Variants in NBPF4 observed in about 807,000 individuals in gnomAD.
The protein encoded by NBPF4 is NBPF member 4, also known as NBPF family member NBPF4.
A neutral mutation model predicts 21.1 loss-of-function variants in NBPF4; 11 were observed. That is an observed-to-expected ratio of 0.52 (90% confidence interval 0.33 to 0.86). NBPF4 has a LOEUF of 0.86. Ranked by LOEUF, NBPF4 falls within the 40% of genes least tolerant of loss-of-function variation. The pLI is 0.03. For synonymous variants in NBPF4, 47 were observed against 106.4 expected (o/e 0.44, Z 3.43); for missense variants, 88 against 265.3 (o/e 0.33, Z 4.64).
At position 108,223,654 on chromosome 1, in the gene NBPF4, C is replaced by T. The variant is rs1649383993; in HGVS notation, c.*51G>A. The stretch of plus-strand genomic sequence containing the variant: ...TGTGTTTGGACTTAAACTTGCTTTG[C>T]TGTTTTAGTTGTTTTTATCAAGTGG... On this transcript the variant is annotated 3_prime_UTR_variant, in exon 15 of 15. Transcript: ENST00000415641. 2.6e-6 allele frequency: 4 copies of T among 1,551,030 alleles called. No individual in the cohort carries two copies. The African/African-American group carries it at 5.5e-5, about 21-fold the overall frequency.
At chr1:108,257,789 A>T in the NBPF4 span, among the ~76,000 whole-genome samples, 2 of 95,056 alleles carry the variant, frequency 2.1e-5, no homozygotes, top group African/African-American at 4.5e-5. Context: ...TTTTTTTGAG[A>T]CAGAGCCTCA....
the NBPF4 span, among the ~76,000 whole-genome samples, chr1:108,268,149 T>A: frequency 3.0e-5 from 4 of 134,746 alleles, no homozygotes; most frequent in South Asian, 1.1e-3. Context: ...TGTCATCATA[T>A]CTGTAACTTA....
chr1:108,241,335 TATATACACACACAC>T (rs1649704104), intron 3 of NBPF4, among the ~76,000 whole-genome samples, 171 bp from the exon 4 acceptor site: 1 of 131,252 alleles, frequency 7.6e-6, no homozygotes, highest in Non-Finnish European at 1.6e-5. Flanking sequence ...TATATATATA[TATATACACACACAC>T]ACACACACAC....
chr1:108,228,578 CAT>C (rs948510142), intron 13 of NBPF4, among the ~76,000 whole-genome samples: 5 of 151,960 alleles, frequency 3.3e-5, no homozygotes, highest in East Asian at 1.9e-4. Flanking sequence ...AACACCTACT[CAT>C]AGGTTTATTG....
chr1:108,252,608 T>G, the NBPF4 span, among the ~76,000 whole-genome samples: 26 of 122,360 alleles, frequency 2.1e-4, 1 homozygote, highest in Non-Finnish European at 3.3e-4. Flanking sequence ...CCTTATGGTC[T>G]GTTCCAGGAT....
rs1649381102 is a variant in NBPF4 at position 108,223,605 on chromosome 1, C to T, written c.*100G>A. The stretch of plus-strand genomic sequence containing the variant: ...AGTATTCTGTGTCTGAAATTCAATC[C>T]TCAGTGAAGGACCCCTGCAGTATTG... On this transcript the variant is annotated 3_prime_UTR_variant, in exon 15 of 15. Transcript: ENST00000415641. 5 of 1,039,848 alleles carry T rather than the reference C, an allele frequency of 4.8e-6. No individual in the cohort carries two copies. The highest frequency in any genetic ancestry group is 7.2e-6 in the Non-Finnish European group (5 of 694,338). The allele number at this position is 1,039,848 out of a possible 1,614,324, so 64.4% of individuals were successfully genotyped here.
At position 108,229,118 on chromosome 1, in the gene NBPF4, C is replaced by T. The variant is rs1168951642; in HGVS notation, c.1462G>A (p.Gly488Arg). Residue 488 changes from glycine (G) to arginine (R), a missense_variant, in exon 13 of 15, where the codon GGA becomes AGA. Physicochemically the swap from Gly to Arg is moderately radical, Grantham distance 125. Coordinates refer to ENST00000415641, the MANE Select transcript of NBPF4 (RefSeq NM_001143989.3). ...TCTGACTGGTGGTGGCTCAAGTCTCCACTCCAAGTCCCTTGGGGACAGGCC... is the reference window on the plus strand; with the variant it reads ...TCTGACTGGTGGTGGCTCAAGTCTCTACTCCAAGTCCCTTGGGGACAGGCC... ...EAACPQGTWS[G>R]DLSHHQSEVQ... The T allele has an allele frequency of 3.2e-6, 5 of 1,551,016 alleles. No individual in the cohort carries two copies. Among genetic ancestry groups the T allele is most frequent in the Non-Finnish European group, 3.5e-6 (4 of 1,146,502 alleles).
At chr1:108,252,569 GTTTT>G in the NBPF4 span, among the ~76,000 whole-genome samples, 6 of 80,256 alleles carry the variant, frequency 7.5e-5, no homozygotes, top group Non-Finnish European at 4.5e-5. Flanking sequence ...TGGTTGGTTG[GTTTT>G]TTATTACCAA....
chr1:108,247,579 AG>A (rs1189709062), upstream of NBPF4, among the ~76,000 whole-genome samples: 2 of 152,240 alleles, frequency 1.3e-5, no homozygotes, highest in Admixed American at 1.3e-4. Flanking sequence ...TACTGGAGCC[AG>A]ATCTCAGAAA....
chr1:108,268,395 A>G, the NBPF4 span, among the ~76,000 whole-genome samples: 1 of 152,178 alleles, frequency 6.6e-6, no homozygotes, highest in South Asian at 2.1e-4. Context: ...TAATTACAAA[A>G]CTATAAAAAC....
In NBPF4 at chr1:108,223,562, T is replaced by C. The variant is rs1273849224; in HGVS notation, c.*143A>G. 5.5e-6 allele frequency: 4 copies of C among 726,074 alleles called. No homozygotes were observed. Among genetic ancestry groups the C allele is most frequent in the Non-Finnish European group, 9.2e-6 (4 of 434,204 alleles). 45.0% of individuals were successfully genotyped at this position (726,074 alleles called of 1,614,324 possible). A position where few individuals can be genotyped will look rare whatever the true frequency, so the allele number is the denominator to read the frequency against. On this transcript the variant is annotated 3_prime_UTR_variant, in exon 15 of 15. Transcript: ENST00000415641. ...GGCTTCTCAAATCAAAGGAGCATAG[T>C]GGCTTGAAGTCATCAAGAGTATTCT...
chr1:108,244,904 A>ATATATATATATATATG (rs1649780305), upstream of NBPF4, among the ~76,000 whole-genome samples: 1 of 15,872 alleles, frequency 6.3e-5, no homozygotes, highest in African/African-American at 2.8e-4. Flanking sequence ...TGTTGGAGAT[A>ATATATATATATATATG]TATATATATA....
At chr1:108,257,915 A>C in the NBPF4 span, among the ~76,000 whole-genome samples, 2 of 142,892 alleles carry the variant, frequency 1.4e-5, no homozygotes, top group African/African-American at 5.6e-5. Flanking sequence ...TGCCCGGCTA[A>C]GTTTTCGTGC....
chr1:108,257,552 G>A, the NBPF4 span, among the ~76,000 whole-genome samples: 3 of 147,568 alleles, frequency 2.0e-5, no homozygotes, highest in Non-Finnish European at 3.0e-5. Flanking sequence ...AGTGACACAC[G>A]AATCTGATTT....
the NBPF4 span, among the ~76,000 whole-genome samples, chr1:108,259,765 C>T: frequency 6.6e-6 from 1 of 151,526 alleles, no homozygotes; most frequent in Non-Finnish European, 1.5e-5. Context: ...CCCTGGACTA[C>T]AGTTCTACCA....
At position 108,234,820 on chromosome 1, in the gene NBPF4, G is replaced by A. The variant is rs1301305274; in HGVS notation, c.1029-409C>T. ...GAGGCATAATCGTATCCCCGAAATC[G>A]CATGGCATCAAGTCCTCTTTCTCTC... On this transcript the variant is annotated intron_variant, in intron 9 of 14. Coordinates refer to ENST00000415641, the MANE Select transcript of NBPF4 (RefSeq NM_001143989.3). Among the ~76,000 whole-genome samples the A allele has an allele frequency of 6.0e-5, 6 of 99,370 alleles. 2 individuals are homozygous for A. The highest frequency in any genetic ancestry group is 2.2e-4 in the African/African-American group (5 of 22,612). 65.2% of individuals were successfully genotyped at this position (99,370 alleles called of 152,430 possible).
At chr1:108,223,801 G>C in intron 14 of NBPF4, 55 bp from the exon 15 acceptor site, 1 of 1,427,058 alleles carries the variant, frequency 7.0e-7, no homozygotes, top group Non-Finnish European at 9.6e-7. Flanking sequence ...AGGTCCACCT[G>C]ATGGCTGAGT....
At chr1:108,252,779 C>T in the NBPF4 span, among the ~76,000 whole-genome samples, 1 of 107,694 alleles carries the variant, frequency 9.3e-6, no homozygotes, top group African/African-American at 4.0e-5. Context: ...TTTTCTTCTG[C>T]TAGCTTTGGG....
At chr1:108,247,426 T>G (rs1259843360), upstream of NBPF4, among the ~76,000 whole-genome samples, 2 of 145,780 alleles carry the variant, frequency 1.4e-5, no homozygotes, top group Non-Finnish European at 3.0e-5. Flanking sequence ...CTGGAATGTG[T>G]TTGTTAACGA....
Sources: allele counts gnomAD v4.1 joint callset (sites outside exome capture counted in the v4.1 genomes callset), GRCh38; gene constraint gnomAD v4.1.1; transcripts MANE v1.5; gene names NCBI Gene and HGNC (gene_info 2026-07-23, HGNC 2026-07-21).